CNTLN: variants seen among roughly 807,000 people sequenced by gnomAD.
The protein encoded by CNTLN is centlein.
A neutral mutation model predicts 180.0 loss-of-function variants in CNTLN; 212 were observed. That is an observed-to-expected ratio of 1.18 (90% CI 1.05 to 1.32). CNTLN has a LOEUF of 1.32. Ranked by LOEUF, CNTLN falls within the 40% of genes most tolerant of loss-of-function variation. The pLI is 0.00. For missense variants in CNTLN, 2,095 were observed against 1,610.9 expected (o/e 1.30, Z -5.14); for synonymous variants, 722 against 563.1 (o/e 1.28, Z -3.99).
Position 17,280,299 on chromosome 9 carries a change from C to A in CNTLN, c.983+6433C>A, listed in dbSNP as rs148380540. 5.1e-3 allele frequency among the ~76,000 whole-genome samples: 779 copies of A among 152,246 alleles called. 4 individuals are homozygous for A. Among genetic ancestry groups the A allele is most frequent in the Non-Finnish European group, 7.8e-3 (529 of 68,016 alleles). On this transcript the variant is annotated intron_variant, in intron 6 of 25. Transcript: ENST00000380647. ...CAACTAACCTAGATTGTCCTTAATT[C>A]CCTTTGATCTGTATCTAGAGGAACT... is the stretch of plus-strand genomic sequence containing the variant.
At chr9:17,273,473 A>AT (rs1563945792) in intron 5 of CNTLN, among the ~76,000 whole-genome samples, 2 of 152,216 alleles carry the variant, frequency 1.3e-5, no homozygotes, top group African/African-American at 4.8e-5. Context: ...TAATAACTAC[A>AT]TTTTTTATAC....
chr9:17,330,434 A>G (rs1820566991), intron 8 of CNTLN, among the ~76,000 whole-genome samples, 198 bp from the exon 9 acceptor site: 1 of 151,692 alleles, frequency 6.6e-6, no homozygotes, highest in Admixed American at 6.6e-5. Flanking sequence ...TTGCATATAG[A>G]CTCTTGGTTA....
intron 13 of CNTLN, among the ~76,000 whole-genome samples, chr9:17,376,564 G>C (rs1374324281): frequency 6.6e-6 from 1 of 151,736 alleles, no homozygotes; most frequent in African/African-American, 2.4e-5. Flanking sequence ...CCGTTCTCCT[G>C]CCTCAGCCTC....
intron 7 of CNTLN, among the ~76,000 whole-genome samples, chr9:17,302,771 A>G (rs1284561504): frequency 6.6e-6 from 1 of 152,192 alleles, no homozygotes; most frequent in Admixed American, 6.5e-5. Context: ...GGGTGGATGA[A>G]TGGTTCTGCA....
chr9:17,315,872 A>G (rs1348888319), intron 8 of CNTLN, among the ~76,000 whole-genome samples: 1 of 151,782 alleles, frequency 6.6e-6, no homozygotes, highest in Admixed American at 6.6e-5. Context: ...ATCTGTATAG[A>G]TTTTCTCTAC....
At chr9:17,273,289 C>T (rs1256359006) in intron 5 of CNTLN, among the ~76,000 whole-genome samples, 9 of 152,174 alleles carry the variant, frequency 5.9e-5, no homozygotes, top group Non-Finnish European at 1.3e-4. Context: ...CTCTGAAAAA[C>T]TTTTTTGATG....
intron 2 of CNTLN, among the ~76,000 whole-genome samples, chr9:17,216,248 A>T (rs12236896): frequency 0.14 from 20,971 of 152,228 alleles, 1,645 homozygotes; most frequent in African/African-American, 0.21. Flanking sequence ...CCGTTGAGTC[A>T]GGTAACTGGA....
intron 12 of CNTLN, among the ~76,000 whole-genome samples, chr9:17,359,725 C>CAAA (rs1176814681): frequency 0.012 from 260 of 21,292 alleles, 13 homozygotes; most frequent in East Asian, 0.097. Flanking sequence ...ACTAAAAATA[C>CAAA]AAAAAAAAAA....
Position 17,484,446 on chromosome 9 carries a change from A to G in CNTLN, c.4007A>G (p.Asp1336Gly), listed in dbSNP as rs755231210. 5.0e-6 allele frequency: 8 copies of G among 1,603,842 alleles called. No homozygotes were observed. The African/African-American group carries it at 9.4e-5, about 19-fold the overall frequency. ...AASILNISRS[D>G]LEEILDTEDQ... ...TCTATCCTGAACATTTCACGGTCAG[A>G]TTTAGAGGAAATATTAGACACAGAA... Residue 1336 changes from aspartate (D) to glycine (G), a missense_variant, in exon 24 of 26, where the codon GAT becomes GGT. Transcript: ENST00000380647.
At chr9:17,146,854 T>A (rs912546655) in intron 2 of CNTLN, among the ~76,000 whole-genome samples, 5 of 152,164 alleles carry the variant, frequency 3.3e-5, no homozygotes, top group African/African-American at 1.2e-4. Context: ...AATAATTTTT[T>A]AATCTTTCTG....
At chr9:17,189,317 C>T (rs933097539) in intron 2 of CNTLN, among the ~76,000 whole-genome samples, 35 of 151,470 alleles carry the variant, frequency 2.3e-4, no homozygotes, top group African/African-American at 8.5e-4. Flanking sequence ...CTTCTGACCT[C>T]ATGATCTGCC....
At chr9:17,521,044 G>C in the CNTLN span, among the ~76,000 whole-genome samples, 1 of 152,094 alleles carries the variant, frequency 6.6e-6, no homozygotes, top group Non-Finnish European at 1.5e-5. Context: ...GTCTATAAAT[G>C]AATAAATGAG....
intron 10 of CNTLN, among the ~76,000 whole-genome samples, chr9:17,337,598 A>G (rs2133174959): frequency 6.6e-6 from 1 of 152,280 alleles, no homozygotes; most frequent in East Asian, 1.9e-4. Flanking sequence ...CACATCATGA[A>G]TGACATATGG....
intron 2 of CNTLN, among the ~76,000 whole-genome samples, chr9:17,155,706 G>C (rs564979278): frequency 1.3e-5 from 2 of 152,152 alleles, no homozygotes; most frequent in Non-Finnish European, 2.9e-5. Flanking sequence ...GGGCTCAGTG[G>C]GGGTGGGACC....
the CNTLN span, among the ~76,000 whole-genome samples, chr9:17,513,551 G>C: frequency 6.6e-6 from 1 of 151,936 alleles, no homozygotes; most frequent in Non-Finnish European, 1.5e-5. Flanking sequence ...CAAAAAACTA[G>C]CCTGGTGTGG....
chr9:17,278,873 G>A (rs1040780369), intron 6 of CNTLN, among the ~76,000 whole-genome samples: 3 of 151,970 alleles, frequency 2.0e-5, no homozygotes, highest in Admixed American at 1.3e-4. Flanking sequence ...TGAAGATTGG[G>A]TAGACAGATG....
chr9:17,250,186 T>C (rs1411081115), intron 5 of CNTLN, among the ~76,000 whole-genome samples: 1 of 151,924 alleles, frequency 6.6e-6, no homozygotes, highest in Non-Finnish European at 1.5e-5. Context: ...CTACCCCAGC[T>C]CTCTTCTGGT....
chr9:17,227,127 C>G (rs2132091104), intron 3 of CNTLN, among the ~76,000 whole-genome samples: 1 of 151,658 alleles, frequency 6.6e-6, no homozygotes, highest in Non-Finnish European at 1.5e-5. Flanking sequence ...AAAACTCACT[C>G]CCTATGCAAA....
Position 17,309,242 on chromosome 9 carries a change from A to G in CNTLN, c.1331A>G (p.Tyr444Cys). The change falls in exon 8 of 26, where the codon TAC (tyrosine) becomes TGC (cysteine). Residue 444 changes from tyrosine to cysteine, a missense_variant. Transcript: ENST00000380647. ...TTACCTCAAGAAAGTGATCCAGACTACTCAGCACAGGTGAGAGACATTTTC... is the reference window on the plus strand; with the variant it reads ...TTACCTCAAGAAAGTGATCCAGACTGCTCAGCACAGGTGAGAGACATTTTC... ...LPLPQESDPD[Y>C]SAQVPHRPSL... The G allele has an allele frequency of 6.3e-7, 1 of 1,583,416 alleles. No individual in the cohort carries two copies.
Sources: allele counts gnomAD v4.1 joint callset (sites outside exome capture counted in the v4.1 genomes callset), GRCh38; gene constraint gnomAD v4.1.1; transcripts MANE v1.5; gene names NCBI Gene and HGNC (gene_info 2026-07-23, HGNC 2026-07-21).